Variants in AFF2 observed in about 807,000 individuals in gnomAD.
AFF2 encodes the protein ALF transcription elongation factor 2.
In AFF2, 14 loss-of-function variants were observed where a neutral mutation model predicts 76.9. That is an observed-to-expected ratio of 0.18 (90% CI 0.12 to 0.28). AFF2 has a LOEUF of 0.28. Among genes scored for constraint, AFF2 ranks in the 10% least tolerant of loss-of-function variants. AFF2 has a pLI of 1.00. For synonymous variants in AFF2, 398 were observed against 366.7 expected (o/e 1.09, Z -0.98); for missense variants, 868 against 1,001.1 (o/e 0.87, Z 1.79).
chrX:148,704,077 A>G (rs1557262099), intron 3 of AFF2, among the ~76,000 whole-genome samples: 1 of 102,393 alleles, frequency 9.8e-6, no homozygotes, highest in Non-Finnish European at 2.0e-5. Context: ...TATATTATAA[A>G]TATATGCCTA....
At chrX:148,538,651 C>G (rs1557236982) in intron 1 of AFF2, among the ~76,000 whole-genome samples, 2 of 112,397 alleles carry the variant, frequency 1.8e-5, no homozygotes, top group Non-Finnish European at 3.8e-5. Context: ...TCACAAATAG[C>G]TACTGTTTCT....
rs1256449658 is a variant in AFF2 at position 148,571,982 on chromosome X, C to T, written c.47+70838C>T. On this transcript the variant is annotated intron_variant, in intron 1 of 20. Transcript: ENST00000370460. The stretch of plus-strand genomic sequence containing the variant: ...TCATCATCAAGTAAGTGAAAAGACA[C>T]ATCACAGAATGAGAAAAATATTTGT... Among the ~76,000 whole-genome samples the T allele has an allele frequency of 4.6e-5, 5 of 107,981 alleles. No homozygotes were observed. The Admixed American group carries it at 5.0e-4, about 11-fold the overall frequency. The allele number at this position is 107,981 out of a possible 115,157, so 93.8% of individuals were successfully genotyped here.
intron 19 of AFF2, among the ~76,000 whole-genome samples, chrX:148,984,552 C>G (rs113826504): frequency 5.4e-5 from 6 of 111,820 alleles, no homozygotes; most frequent in African/African-American, 1.9e-4. Flanking sequence ...TTAATGAGCA[C>G]AAGGTAGTGT....
At chrX:148,903,841 A>T (rs1351789983) in intron 8 of AFF2, among the ~76,000 whole-genome samples, 3 of 111,501 alleles carry the variant, frequency 2.7e-5, no homozygotes, top group Non-Finnish European at 5.7e-5. Flanking sequence ...TTCCGTCTGC[A>T]TCTGTTTCCC....
At chrX:148,503,967 A>AAGATG (rs1348473870) in intron 1 of AFF2, among the ~76,000 whole-genome samples, 1 of 112,193 alleles carries the variant, frequency 8.9e-6, no homozygotes, top group Non-Finnish European at 1.9e-5. Context: ...GTGAAAGAAA[A>AAGATG]AGATGGCACA....
intron 1 of AFF2, among the ~76,000 whole-genome samples, chrX:148,545,839 T>C (rs1557238090): frequency 9.0e-6 from 1 of 111,217 alleles, no homozygotes; most frequent in Non-Finnish European, 1.9e-5. Flanking sequence ...GGGGTGGGGC[T>C]TGAGAATGAG....
intron 1 of AFF2, among the ~76,000 whole-genome samples, chrX:148,610,955 A>G (rs1282399122): frequency 8.9e-6 from 1 of 112,458 alleles, no homozygotes; most frequent in African/African-American, 3.2e-5. Flanking sequence ...ACAACACTGA[A>G]TGAATTATAT....
chrX:148,672,421 A>G (rs1460647765), intron 3 of AFF2, among the ~76,000 whole-genome samples: 1 of 112,226 alleles, frequency 8.9e-6, no homozygotes, highest in Non-Finnish European at 1.9e-5. Context: ...TCACTTGCCT[A>G]AAGGCACACA....
chrX:148,907,937 A>C (rs2071427350), intron 9 of AFF2, among the ~76,000 whole-genome samples: 1 of 110,157 alleles, frequency 9.1e-6, no homozygotes, highest in Non-Finnish European at 1.9e-5. Flanking sequence ...ACCATTTCAG[A>C]GGCCTCCCCT....
At chrX:148,523,076 G>C (rs2052618983) in intron 1 of AFF2, among the ~76,000 whole-genome samples, 1 of 111,757 alleles carries the variant, frequency 8.9e-6, no homozygotes, top group African/African-American at 3.3e-5. Context: ...GAAATGCAGG[G>C]GTGAGATATA....
chrX:148,855,791 A>G (rs1375677295), intron 7 of AFF2, among the ~76,000 whole-genome samples: 3 of 111,718 alleles, frequency 2.7e-5, no homozygotes, highest in Non-Finnish European at 5.7e-5. Flanking sequence ...TAACCTCTCT[A>G]TCACTCAGTT....
intron 3 of AFF2, among the ~76,000 whole-genome samples, chrX:148,809,443 T>C (rs1281750826): frequency 8.9e-6 from 1 of 112,462 alleles, no homozygotes; most frequent in Non-Finnish European, 1.9e-5. Flanking sequence ...TAGTGTTTTG[T>C]AGGTGCCTAG....
At chrX:148,526,016 C>T (rs1417134065) in intron 1 of AFF2, among the ~76,000 whole-genome samples, 9 of 111,403 alleles carry the variant, frequency 8.1e-5, no homozygotes, top group African/African-American at 2.9e-4. Flanking sequence ...TTGCTGAAAA[C>T]ACCTGTTTCT....
At chrX:148,890,735 T>G (rs2071213641) in intron 8 of AFF2, among the ~76,000 whole-genome samples, 1 of 111,962 alleles carries the variant, frequency 8.9e-6, no homozygotes, top group Non-Finnish European at 1.9e-5. Context: ...ACCCTTCTAT[T>G]GCAGTTCTTA....
chrX:148,958,506 C>G, intron 12 of AFF2, 48 bp downstream of exon 12: 3 of 1,175,068 alleles, frequency 2.6e-6, no homozygotes, highest in Non-Finnish European at 3.4e-6. Flanking sequence ...ATTGTTCAGA[C>G]TCCTAAGAAA....
At chrX:148,705,757 A>G (rs1298250026) in intron 3 of AFF2, among the ~76,000 whole-genome samples, 1 of 112,012 alleles carries the variant, frequency 8.9e-6, no homozygotes, top group African/African-American at 3.2e-5. Flanking sequence ...TGTGTGCCTC[A>G]TCTTGAGTTA....
In AFF2 at chrX:148,671,449, A is replaced by G. The variant is rs370561246; in HGVS notation, c.1041+8681A>G. On this transcript the variant is annotated intron_variant, in intron 3 of 20. Transcript: ENST00000370460. The stretch of plus-strand genomic sequence containing the variant: ...GGCCTGAACTTTGTTTGTAAAATTA[A>G]GAGAGTTATTTTGCCTTTCTAGGGC... Among the ~76,000 whole-genome samples, 13 of 112,133 alleles carry G rather than the reference A, an allele frequency of 1.2e-4. No homozygotes were observed. The Middle Eastern group carries it at 0.014, about 120-fold the overall frequency.
At chrX:148,545,066 T>C (rs145670507) in intron 1 of AFF2, among the ~76,000 whole-genome samples, 3,861 of 112,245 alleles carry the variant, frequency 0.034, 117 homozygotes, top group African/African-American at 0.098. Flanking sequence ...TGGATATTTA[T>C]TTTATTCTAT....
intron 6 of AFF2, 91 bp downstream of exon 6, chrX:148,843,093 A>T (rs2070620980): frequency 1.4e-6 from 1 of 713,167 alleles, no homozygotes; most frequent in East Asian, 3.3e-5. Flanking sequence ...TCATTAAAAC[A>T]TGAAAGAACA....
Sources: gnomAD v4.1 joint callset for allele counts (sites outside exome capture counted in the v4.1 genomes callset) on GRCh38, gnomAD v4.1.1 for gene constraint, MANE v1.5 for transcripts, NCBI Gene and HGNC (gene_info 2026-07-23, HGNC 2026-07-21) for gene names.